Variants in NKAIN3 observed in about 807,000 individuals in gnomAD.
The protein encoded by NKAIN3 is sodium/potassium transporting ATPase interacting 3.
In NKAIN3, 25 loss-of-function variants were observed where a neutral mutation model predicts 30.2. The observed-to-expected ratio is 0.83, with a 90% CI of 0.60 to 1.16. The LOEUF (loss-of-function observed/expected upper bound fraction) is 1.16. Among genes scored for constraint, NKAIN3 ranks in the 50% most tolerant of loss-of-function variants. NKAIN3 has a pLI of 0.00. For missense variants in NKAIN3, 225 were observed against 254.1 expected, an observed-to-expected ratio of 0.89 and a Z score of 0.78; for synonymous variants, 91 against 89.6, an observed-to-expected ratio of 1.02 and a Z score of -0.09.
intron 3 of NKAIN3, among the ~76,000 whole-genome samples, chr8:62,595,288 A>T (rs1810788453): frequency 6.6e-6 from 1 of 152,004 alleles, no homozygotes; most frequent in African/African-American, 2.4e-5. Flanking sequence ...TTCTTCTCCA[A>T]AAAGCATACC....
chr8:62,301,351 C>T (rs898525942), intron 1 of NKAIN3, among the ~76,000 whole-genome samples: 4 of 151,984 alleles, frequency 2.6e-5, no homozygotes, highest in Non-Finnish European at 5.9e-5. Flanking sequence ...GCTCCCAAAA[C>T]AGAATAGGTT....
At chr8:62,616,921 G>A (rs955121772) in intron 3 of NKAIN3, among the ~76,000 whole-genome samples, 1 of 152,142 alleles carries the variant, frequency 6.6e-6, no homozygotes, top group Admixed American at 6.5e-5. Flanking sequence ...GGAGGTGTTT[G>A]GGTCATGAGG....
Position 62,971,342 on chromosome 8 carries a change from AAAGT to A in NKAIN3, c.*5939_*5942del, listed in dbSNP as rs1269908928. On this transcript the variant is annotated 3_prime_UTR_variant, in exon 7 of 7. Transcript: ENST00000623646. Reference sequence around the variant, plus strand: ...TCTTAATGACTTTATGCTTAACTAAAAAGTAAGAGCTTTGCTGGACATGGTGGCT... The same window carrying A: ...TCTTAATGACTTTATGCTTAACTAAAAAGAGCTTTGCTGGACATGGTGGCT... 6.6e-6 allele frequency among the ~76,000 whole-genome samples: 1 copy of A among 152,202 alleles called. No homozygotes were observed. The highest frequency in any genetic ancestry group is 6.5e-5 in the Admixed American group (1 of 15,274).
At chr8:62,363,548 A>C (rs549028908) in intron 1 of NKAIN3, among the ~76,000 whole-genome samples, 1 of 152,312 alleles carries the variant, frequency 6.6e-6, no homozygotes, top group East Asian at 1.9e-4. Context: ...TGAGTGTGTC[A>C]TCAGCTCTCT....
chr8:62,630,188 A>G (rs1811911828), intron 3 of NKAIN3, among the ~76,000 whole-genome samples: 1 of 152,144 alleles, frequency 6.6e-6, no homozygotes, highest in African/African-American at 2.4e-5. Context: ...AGAGTTCAGT[A>G]CTATTCTCTT....
At chr8:62,483,713 A>C (rs1041885991) in intron 1 of NKAIN3, 1 of 306,802 alleles carries the variant, frequency 3.3e-6, no homozygotes, top group Non-Finnish European at 6.5e-6. Flanking sequence ...TGCCGAGTCA[A>C]TAAATTAGCT....
intron 3 of NKAIN3, among the ~76,000 whole-genome samples, chr8:62,695,249 A>G (rs1208810679): frequency 6.6e-6 from 1 of 152,162 alleles, no homozygotes; most frequent in African/African-American, 2.4e-5. Flanking sequence ...GCCAAGTCTT[A>G]TTTACTTTAT....
At chr8:62,603,537 G>T (rs62509499) in intron 3 of NKAIN3, among the ~76,000 whole-genome samples, 1 of 151,780 alleles carries the variant, frequency 6.6e-6, no homozygotes, top group African/African-American at 2.4e-5. Context: ...GACAGTTGAA[G>T]GAAAAAAAAC....
chr8:62,565,788 G>A (rs1809730390), intron 1 of NKAIN3, among the ~76,000 whole-genome samples: 1 of 152,092 alleles, frequency 6.6e-6, no homozygotes, highest in Non-Finnish European at 1.5e-5. Context: ...CGAACCTACT[G>A]AGTGGTATAA....
chr8:62,750,622 G>C (rs1192144392), intron 4 of NKAIN3, among the ~76,000 whole-genome samples: 1 of 152,090 alleles, frequency 6.6e-6, no homozygotes, highest in Non-Finnish European at 1.5e-5. Flanking sequence ...TCCTCCCCCG[G>C]CTCTCAGGCT....
intron 1 of NKAIN3, among the ~76,000 whole-genome samples, chr8:62,412,924 AAAAAAAAAAAAC>A (rs1804303228): frequency 7.9e-6 from 1 of 126,452 alleles, no homozygotes; most frequent in African/African-American, 2.8e-5. Flanking sequence ...AAAAAAAACA[AAAAAAAAAAAAC>A]AGCAAAACAT....
chr8:62,543,846 T>C (rs1317662392), intron 1 of NKAIN3, among the ~76,000 whole-genome samples: 2 of 152,198 alleles, frequency 1.3e-5, no homozygotes, highest in Non-Finnish European at 2.9e-5. Context: ...CAAGGGTTTG[T>C]AAGGTTGTTA....
intron 1 of NKAIN3, among the ~76,000 whole-genome samples, chr8:62,367,796 A>C (rs1816784409): frequency 6.6e-6 from 1 of 152,218 alleles, no homozygotes; most frequent in African/African-American, 2.4e-5. Context: ...AAAGAAGTTA[A>C]ATTGTCCTTC....
intron 4 of NKAIN3, among the ~76,000 whole-genome samples, chr8:62,778,592 C>T (rs1817258629): frequency 6.6e-6 from 1 of 152,098 alleles, no homozygotes; most frequent in Non-Finnish European, 1.5e-5. Context: ...GCCTGGGACT[C>T]TCCCTTCAGG....
At chr8:62,549,848 T>C (rs1258802884) in intron 1 of NKAIN3, among the ~76,000 whole-genome samples, 1 of 150,946 alleles carries the variant, frequency 6.6e-6, no homozygotes, top group Non-Finnish European at 1.5e-5. Flanking sequence ...TGAACGTGTA[T>C]ACTGTGCCAT....
chr8:62,800,252 T>C (rs547263659), intron 4 of NKAIN3, among the ~76,000 whole-genome samples: 158 of 151,866 alleles, frequency 1.0e-3, no homozygotes, highest in Middle Eastern at 0.01. Context: ...AAATTGGCCA[T>C]ACTGCATATG....
intron 3 of NKAIN3, among the ~76,000 whole-genome samples, chr8:62,705,427 G>A (rs544830431): frequency 7.2e-5 from 11 of 152,260 alleles, no homozygotes; most frequent in Middle Eastern, 3.4e-3. Flanking sequence ...GGCGCAGTCC[G>A]GGGAAGCGGG....
In NKAIN3 at chr8:62,978,076, T is replaced by C; in HGVS notation, c.*12669T>C. The stretch of plus-strand genomic sequence containing the variant: ...AACAGCAAAGATTGCTGCCTCCTCC[T>C]ACTTCTGGAAGCTGTGTCCCAGAGG... On this transcript the variant is annotated 3_prime_UTR_variant, in exon 7 of 7. Transcript: ENST00000623646. 6.1e-6 allele frequency: 1 copy of C among 164,318 alleles called. No homozygotes were observed. The allele number at this position is 164,318 out of a possible 1,614,324, so 10.2% of individuals were successfully genotyped here.
chr8:62,870,575 A>G (rs894092762), intron 4 of NKAIN3, among the ~76,000 whole-genome samples: 16 of 139,470 alleles, frequency 1.1e-4, no homozygotes, highest in Non-Finnish European at 2.1e-4. Flanking sequence ...TATATACACC[A>G]TATATAGTAC....
Sources: gnomAD v4.1 joint callset for allele counts (sites outside exome capture counted in the v4.1 genomes callset) on GRCh38, gnomAD v4.1.1 for gene constraint, MANE v1.5 for transcripts, NCBI Gene and HGNC (gene_info 2026-07-23, HGNC 2026-07-21) for gene names.